The following POMT1 variants were observed in gnomAD, a reference collection of about 807,000 sequenced individuals.
POMT1 encodes protein O-mannosyltransferase 1.
Under a neutral mutation model 101.6 loss-of-function variants are expected in POMT1, and 85 were observed. The ratio of observed to expected loss-of-function variants is 0.84; its 90% confidence interval spans 0.70 to 1.00. The LOEUF is 1.00. Ranked by LOEUF, POMT1 falls within the 50% of genes least tolerant of loss-of-function variation. POMT1 has a pLI of 0.00. For synonymous variants in POMT1, 371 were observed against 383.0 expected (o/e 0.97, Z 0.37); for missense variants, 857 against 930.4 (o/e 0.92, Z 1.03).
At chr9:131,515,249 C>G (rs1948051171) in intron 12 of POMT1, among the ~76,000 whole-genome samples, 177 bp from the exon 13 acceptor site, 2 of 152,244 alleles carry the variant, frequency 1.3e-5, no homozygotes, top group Admixed American at 1.3e-4. Context: ...TGTCCACTCC[C>G]ATCGCCGAGC....
chr9:131,509,023 G>A lies in POMT1; in HGVS notation c.539+1G>A, dbSNP rs1200132899. ...AGTTCTTCAACTGCCAAAAGCACAGGTATGGAAAATGGAGTGTCTTCCTAG... is the reference window on the plus strand; with the variant it reads ...AGTTCTTCAACTGCCAAAAGCACAGATATGGAAAATGGAGTGTCTTCCTAG... On this transcript the variant is annotated splice_donor_variant, in intron 6 of 19. Coordinates refer to ENST00000402686, the MANE Select transcript of POMT1 (RefSeq NM_001077365.2). LOFTEE classifies it high-confidence loss of function. 2 of 1,597,362 alleles carry A rather than the reference G, an allele frequency of 1.3e-6. No homozygotes were observed. Among genetic ancestry groups the A allele is most frequent in the East Asian group, 2.2e-5 (1 of 44,806 alleles).
At chr9:131,507,996 G>A (rs1946230104) in intron 5 of POMT1, among the ~76,000 whole-genome samples, 1 of 152,184 alleles carries the variant, frequency 6.6e-6, no homozygotes, top group African/African-American at 2.4e-5. Context: ...ACTTTGGAAG[G>A]CTGAGGCGGG....
intron 8 of POMT1, 73 bp downstream of exon 8, chr9:131,510,069 G>A (rs1374589627): frequency 6.2e-7 from 1 of 1,613,986 alleles, no homozygotes; most frequent in African/African-American, 1.3e-5. Context: ...GGGGGTACTT[G>A]GTGAAAAGAC....
At chr9:131,517,160 C>T (rs1274048905) in intron 13 of POMT1, among the ~76,000 whole-genome samples, 1 of 152,208 alleles carries the variant, frequency 6.6e-6, no homozygotes, top group Non-Finnish European at 1.5e-5. Flanking sequence ...AGGCTCAGCC[C>T]TGTTTCGCTT....
At position 131,509,795 on chromosome 9, in the gene POMT1, T is replaced by A. The variant is rs767056835; in HGVS notation, c.592T>A (p.Ser198Thr). 3.7e-6 allele frequency: 6 copies of A among 1,614,242 alleles called. No individual in the cohort carries two copies. Among genetic ancestry groups the A allele is most frequent in the Non-Finnish European group, 4.2e-6 (5 of 1,180,038 alleles). Residue 198 changes from serine to threonine, a missense_variant, in exon 7 of 20, where the codon TCC becomes ACC. By Grantham distance (58) the Ser-to-Thr change is moderately conservative. Coordinates refer to ENST00000402686, the MANE Select transcript of POMT1 (RefSeq NM_001077365.2). ...GCTAACACTGACAGGGGTCGCTTGT[T>A]CCTGTGCAGTGGGGTGAGTTTGAGC... ...FWLTLTGVACSCAVGIKYMGV... is the reference protein window; with the variant it reads ...FWLTLTGVACTCAVGIKYMGV...
chr9:131,508,236 C>A (rs1342554185), intron 5 of POMT1, among the ~76,000 whole-genome samples: 6 of 132,348 alleles, frequency 4.5e-5, no homozygotes, highest in Non-Finnish European at 8.0e-5. Context: ...GACTCCATCT[C>A]AAAAAAAATA....
chr9:131,523,777 A>AATT lies in POMT1; in HGVS notation c.*673_*675dup, dbSNP rs1174954499. The AATT allele has an allele frequency of 2.0e-5, 3 of 152,796 alleles. No homozygotes were observed. The highest frequency in any genetic ancestry group is 7.2e-5 in the African/African-American group (3 of 41,442). The allele number at this position is 152,796 out of a possible 1,614,324, so 9.5% of individuals were successfully genotyped here. On this transcript the variant is annotated 3_prime_UTR_variant, in exon 20 of 20. Transcript: ENST00000402686. Reference sequence around the variant, plus strand: ...CCATGCCTTTGTCTTTTTTAAATGTAATTAAAAAAGGAACCAACTGGCGTT... The same window carrying AATT: ...CCATGCCTTTGTCTTTTTTAAATGTAATTATTAAAAAAGGAACCAACTGGCGTT...
At chr9:131,521,972 T>C (rs1950021889) in intron 18 of POMT1, 75 bp from the exon 19 acceptor site, 3 of 1,603,532 alleles carry the variant, frequency 1.9e-6, no homozygotes, top group Non-Finnish European at 2.5e-6. Flanking sequence ...ACCCTCTCTC[T>C]AAAAAAGCAA....
chr9:131,510,718 C>G (rs1339717270), intron 9 of POMT1: 1 of 407,114 alleles, frequency 2.5e-6, no homozygotes, highest in East Asian at 5.9e-5. Context: ...GTTGGTCAGT[C>G]TGGTCTGGAA....
rs551933993 is a variant in POMT1, at chr9:131,508,930, G to A, written c.447G>A (p.Gln149=). The A allele has an allele frequency of 6.2e-7, 1 of 1,613,278 alleles. No homozygotes were observed. Among genetic ancestry groups the A allele is most frequent in the Non-Finnish European group, 8.5e-7 (1 of 1,179,210 alleles). Reference sequence around the variant, plus strand: ...AAACAGAGAATGCTCTCATCACTCAGTCAAGGCTAATGCTTTTGGAATCAG... The same window carrying A: ...AAACAGAGAATGCTCTCATCACTCAATCAAGGCTAATGCTTTTGGAATCAG... ...LMLIENALIT[Q]SRLMLLESVL... The change falls in exon 6 of 20, where the codon CAG becomes CAA. Residue 149 remains glutamine (Q), a synonymous_variant. Coordinates refer to ENST00000402686, the MANE Select transcript of POMT1 (RefSeq NM_001077365.2).
At chr9:131,510,973 G>A (rs1000176985) in intron 9 of POMT1, 10 of 281,148 alleles carry the variant, frequency 3.6e-5, no homozygotes, top group Non-Finnish European at 4.8e-5. Context: ...GCCTGCCGAC[G>A]GCCAGTGCTG....
chr9:131,516,401 CTTCCTCACAGGGAGCA>C (rs1350832062), intron 13 of POMT1, among the ~76,000 whole-genome samples: 5 of 152,122 alleles, frequency 3.3e-5, no homozygotes, highest in Admixed American at 6.5e-5. Context: ...ACACGGAGCA[CTTCCTCACAGGGAGCA>C]CTCCATCACA....
chr9:131,507,496 G>A lies in POMT1; in HGVS notation c.409G>A (p.Ala137Thr), dbSNP rs1219331655. ...TTCTCATTGTGCCGCCATGGGAGCTGCTCTGTTGATGCTTATCGGTAAGAC... is the reference window on the plus strand; with the variant it reads ...TTCTCATTGTGCCGCCATGGGAGCTACTCTGTTGATGCTTATCGGTAAGAC... ...HFSHCAAMGA[A>T]LLMLIENALI... Residue 137 changes from alanine to threonine, a missense_variant, in exon 5 of 20, where the codon GCT becomes ACT. Physicochemically the swap from Ala to Thr is moderately conservative, Grantham distance 58. Coordinates refer to ENST00000402686, the MANE Select transcript of POMT1 (RefSeq NM_001077365.2). 2 of 1,614,080 alleles carry A rather than the reference G, an allele frequency of 1.2e-6. No homozygotes were observed. Among genetic ancestry groups the A allele is most frequent in the Admixed American group, 3.3e-5 (2 of 60,004 alleles).
intron 9 of POMT1, chr9:131,511,002 C>CCGTATCATTAAA: frequency 7.0e-6 from 2 of 287,326 alleles, no homozygotes; most frequent in South Asian, 4.4e-5. Context: ...TGTGTTTCAG[C>CCGTATCATTAAA]AAGTTGTTTG....
intron 12 of POMT1, among the ~76,000 whole-genome samples, chr9:131,514,659 G>C (rs73555584): frequency 0.03 from 4,555 of 152,272 alleles, 202 homozygotes; most frequent in African/African-American, 0.1. Context: ...GGATTAAGAG[G>C]AAGTGGGTGT....
intron 8 of POMT1, 88 bp from the exon 9 acceptor site, chr9:131,510,172 T>A: frequency 6.2e-7 from 1 of 1,609,172 alleles, no homozygotes; most frequent in Non-Finnish European, 8.5e-7. Flanking sequence ...AGAGTTTCTG[T>A]CACTAACTTT....
At position 131,520,229 on chromosome 9, in the gene POMT1, T is replaced by A. The variant is rs745582162; in HGVS notation, c.1698+36T>A. On this transcript the variant is annotated intron_variant, in intron 17 of 19. Transcript: ENST00000402686. ...GATGCTGACAGCTGACAGTCATAGA[T>A]TCATCCTGTTTCTTGAGAATTCCTT... The A allele has an allele frequency of 2.6e-6, 4 of 1,536,016 alleles. No homozygotes were observed. In the South Asian group the frequency reaches 4.5e-5, roughly 17 times the overall value.
intron 9 of POMT1, 76 bp from the exon 10 acceptor site, chr9:131,511,261 G>C: frequency 6.8e-7 from 1 of 1,468,586 alleles, no homozygotes. Flanking sequence ...AGAGGGAGGA[G>C]TGGCCATCGG....
At chr9:131,506,935 C>T (rs1053895158) in intron 4 of POMT1, among the ~76,000 whole-genome samples, 3 of 151,864 alleles carry the variant, frequency 2.0e-5, no homozygotes, top group African/African-American at 7.3e-5. Flanking sequence ...GGCGTGGTGG[C>T]GGGCGCCTGT....
Sources: allele counts gnomAD v4.1 joint callset (sites outside exome capture counted in the v4.1 genomes callset), GRCh38; gene constraint gnomAD v4.1.1; transcripts MANE v1.5; gene names NCBI Gene and HGNC (gene_info 2026-07-23, HGNC 2026-07-21).